Variants in MBIP observed in about 807,000 individuals in gnomAD.
MBIP encodes the protein MAP3K12 binding inhibitory protein 1.
A neutral mutation model predicts 45.7 loss-of-function variants in MBIP; 32 were observed. The ratio of observed to expected loss-of-function variants is 0.70; its 90% CI spans 0.53 to 0.94. The LOEUF (loss-of-function observed/expected upper bound fraction) is 0.94. Among genes scored for constraint, MBIP ranks in the 40% least tolerant of loss-of-function variants. The pLI is 0.00. For missense variants in MBIP, 381 were observed against 405.5 expected, an observed-to-expected ratio of 0.94 and a Z score of 0.52; for synonymous variants, 145 against 141.0, an observed-to-expected ratio of 1.03 and a Z score of -0.20.
chr14:36,314,500 C>T lies in MBIP; in HGVS notation c.571+12G>A, dbSNP rs1319366171. On this transcript the variant is annotated intron_variant, in intron 4 of 8. Coordinates refer to ENST00000416007, the MANE Select transcript of MBIP (RefSeq NM_016586.3). ...CTTAAAACCCTATGAAAATTAATTT[C>T]CAGGTAGTTACCTTGATTACAATCA... 1 of 1,554,854 alleles carries T rather than the reference C, an allele frequency of 6.4e-7. No individual in the cohort carries two copies. Among genetic ancestry groups the T allele is most frequent in the African/African-American group, 1.4e-5 (1 of 72,746 alleles).
Position 36,312,737 on chromosome 14 carries a change from G to A in MBIP, c.572-713C>T, listed in dbSNP as rs147083648. ...TACAAAAGGGGAAAATTGGAAAGAT[G>A]TTAACATATAATACAACTAATTAAC... On this transcript the variant is annotated intron_variant, in intron 4 of 8. Coordinates refer to ENST00000416007, the MANE Select transcript of MBIP (RefSeq NM_016586.3). Among the ~76,000 whole-genome samples, 743 of 152,086 alleles carry A rather than the reference G, an allele frequency of 4.9e-3. 6 individuals are homozygous for A. The highest frequency in any genetic ancestry group is 0.016 in the African/African-American group (683 of 41,506).
At chr14:36,299,792 A>G (rs1009296074) in intron 8 of MBIP, among the ~76,000 whole-genome samples, 12 of 152,202 alleles carry the variant, frequency 7.9e-5, no homozygotes, top group African/African-American at 2.4e-4. Flanking sequence ...TGAAGAAAAT[A>G]CTTCTTTTAC....
At chr14:36,306,778 G>GA (rs1443117103) in intron 7 of MBIP, among the ~76,000 whole-genome samples, 1 of 152,132 alleles carries the variant, frequency 6.6e-6, no homozygotes, top group African/African-American at 2.4e-5. Context: ...GTTAGAATGG[G>GA]AAAAACTTAT....
At chr14:36,317,483 A>G (rs1022724874) in intron 1 of MBIP, among the ~76,000 whole-genome samples, 2 of 152,180 alleles carry the variant, frequency 1.3e-5, no homozygotes, top group African/African-American at 4.8e-5. Context: ...CCACAGTGAA[A>G]TAAGTTGTCA....
intron 7 of MBIP, among the ~76,000 whole-genome samples, chr14:36,304,105 A>G (rs1012057958): frequency 6.6e-6 from 1 of 152,056 alleles, no homozygotes. Context: ...CCAGTTGTTC[A>G]CTCATGCTTC....
rs566700552 is a variant in MBIP at position 36,299,958 on chromosome 14, G to T, written c.928-768C>A. On this transcript the variant is annotated intron_variant, in intron 8 of 8. Coordinates refer to ENST00000416007, the MANE Select transcript of MBIP (RefSeq NM_016586.3). ...TGAGTGCTAATAGATACAGGGTTTTGGGGGGGCAGTGATGGAAATGTTCTA... is the reference window on the plus strand; with the variant it reads ...TGAGTGCTAATAGATACAGGGTTTTTGGGGGGCAGTGATGGAAATGTTCTA... Among the ~76,000 whole-genome samples the T allele has an allele frequency of 9.9e-5, 15 of 152,054 alleles. No individual in the cohort carries two copies. The South Asian group carries it at 2.5e-3, about 25-fold the overall frequency.
intron 2 of MBIP, among the ~76,000 whole-genome samples, chr14:36,316,167 A>G (rs1224036372): frequency 1.3e-5 from 2 of 152,202 alleles, no homozygotes; most frequent in Non-Finnish European, 2.9e-5. Flanking sequence ...TGTTAAGGAA[A>G]AGAAATGATA....
chr14:36,302,519 A>T (rs1879630951), intron 7 of MBIP, among the ~76,000 whole-genome samples: 1 of 127,364 alleles, frequency 7.9e-6, no homozygotes, highest in African/African-American at 2.9e-5. Flanking sequence ...AAAAAAAAAA[A>T]TTCCCCTTGT....
At position 36,311,744 on chromosome 14, in the gene MBIP, G is replaced by T; in HGVS notation, c.638-19C>A. 1 of 1,576,256 alleles carries T rather than the reference G, an allele frequency of 6.3e-7. No individual in the cohort carries two copies. Among genetic ancestry groups the T allele is most frequent in the Non-Finnish European group, 8.6e-7 (1 of 1,161,996 alleles). The stretch of plus-strand genomic sequence containing the variant: ...CTAGAAACTAAATTAAGAAACTTTT[G>T]AGCCTATATACATTTGTATTTCAAA... On this transcript the variant is annotated intron_variant, in intron 5 of 8. Coordinates refer to ENST00000416007, the MANE Select transcript of MBIP (RefSeq NM_016586.3).
intron 7 of MBIP, among the ~76,000 whole-genome samples, chr14:36,303,201 C>G (rs1879675172): frequency 6.6e-6 from 1 of 152,140 alleles, no homozygotes; most frequent in East Asian, 1.9e-4. Context: ...ATAACCCCAT[C>G]TGTATAGAAG....
At position 36,299,461 on chromosome 14, in the gene MBIP, A is replaced by T. The variant is rs1293757327; in HGVS notation, c.928-271T>A. On this transcript the variant is annotated intron_variant, in intron 8 of 8. Transcript: ENST00000416007. Reference sequence around the variant, plus strand: ...CTTTTATACTTAGAAAGAATAAGTTAAAAAAAAAAAAAAAGCCTGATTATT... The same window carrying T: ...CTTTTATACTTAGAAAGAATAAGTTTAAAAAAAAAAAAAAGCCTGATTATT... 4.0e-3 allele frequency among the ~76,000 whole-genome samples: 6 copies of T among 1,482 alleles called. No individual in the cohort carries two copies. In the East Asian group the frequency reaches 0.27, roughly 67 times the overall value. 1.0% of individuals were successfully genotyped at this position (1,482 alleles called of 152,430 possible).
chr14:36,317,768 T>G (rs1219000607), intron 1 of MBIP, among the ~76,000 whole-genome samples: 4 of 152,080 alleles, frequency 2.6e-5, no homozygotes, highest in South Asian at 4.1e-4. Context: ...AGAATCAAGT[T>G]AACATAATTT....
chr14:36,299,258 A>C, intron 8 of MBIP, 68 bp from the exon 9 acceptor site: 1 of 983,440 alleles, frequency 1.0e-6, no homozygotes, highest in Non-Finnish European at 1.6e-6. Context: ...TAAAGTGCCA[A>C]ATGAACTATA....
rs773135718 is a variant in MBIP, at chr14:36,320,455, C to A, written c.129+5G>T. 7 of 1,614,132 alleles carry A rather than the reference C, an allele frequency of 4.3e-6. No homozygotes were observed. The highest frequency in any genetic ancestry group is 5.1e-6 in the Non-Finnish European group (6 of 1,180,028). On this transcript the variant is annotated splice_donor_5th_base_variant and intron_variant, in intron 1 of 8. Transcript: ENST00000416007. ...ATATTCCCAGTCCCTCAGGCCACCT[C>A]TCACCTGTCCAACCAGGGTGTGTAG...
intron 7 of MBIP, among the ~76,000 whole-genome samples, chr14:36,303,991 C>T (rs1394113026): frequency 5.9e-5 from 9 of 152,154 alleles, no homozygotes; most frequent in Admixed American, 5.9e-4. Flanking sequence ...TTCTCTCTTT[C>T]TCTAAAACTT....
Position 36,312,030 on chromosome 14 carries a change from G to A in MBIP, c.572-6C>T. 1 of 1,530,084 alleles carries A rather than the reference G, an allele frequency of 6.5e-7. No homozygotes were observed. The highest frequency in any genetic ancestry group is 8.9e-7 in the Non-Finnish European group (1 of 1,127,400). 94.8% of individuals were successfully genotyped at this position (1,530,084 alleles called of 1,614,324 possible). On this transcript the variant is annotated splice_region_variant and splice_polypyrimidine_tract_variant and intron_variant, in intron 4 of 8. Transcript: ENST00000416007. ...AGTTCTTGCACAACTATTTTCTAAG[G>A]AGAATTTAGATAAATATAAGTTTAA...
intron 2 of MBIP, 69 bp downstream of exon 2, chr14:36,316,624 T>C (rs1880585733): frequency 7.0e-6 from 10 of 1,418,772 alleles, no homozygotes; most frequent in Non-Finnish European, 9.7e-6. Flanking sequence ...TGTCAAATAC[T>C]CCAACTAACT....
intron 7 of MBIP, among the ~76,000 whole-genome samples, chr14:36,306,691 A>G (rs1879901047): frequency 6.6e-6 from 1 of 152,232 alleles, no homozygotes. Context: ...TATCGTTAAT[A>G]AGAATTATAT....
intron 1 of MBIP, among the ~76,000 whole-genome samples, chr14:36,317,795 C>A (rs1566557235): frequency 6.6e-6 from 1 of 151,972 alleles, no homozygotes; most frequent in Admixed American, 6.6e-5. Context: ...AATGAGTCAT[C>A]TTTTCTACAA....
Sources: gnomAD v4.1 joint callset for allele counts (sites outside exome capture counted in the v4.1 genomes callset) on GRCh38, gnomAD v4.1.1 for gene constraint, MANE v1.5 for transcripts, NCBI Gene and HGNC (gene_info 2026-07-23, HGNC 2026-07-21) for gene names.